The following CEP85L variants were observed in gnomAD, a reference collection of about 807,000 sequenced individuals.
The protein encoded by CEP85L is centrosomal protein of 85 kDa-like.
In CEP85L, 60 loss-of-function variants were observed where a neutral mutation model predicts 100.3. That is an observed-to-expected ratio of 0.60 (90% CI 0.49 to 0.74). CEP85L has a LOEUF of 0.74. Ranked by LOEUF, CEP85L falls within the 30% of genes least tolerant of loss-of-function variation. The pLI, the probability that CEP85L is intolerant of heterozygous loss-of-function variation, is 0.00. For synonymous variants in CEP85L, 319 were observed against 322.7 expected, an observed-to-expected ratio of 0.99 and a Z score of 0.12; for missense variants, 973 against 936.2, an observed-to-expected ratio of 1.04 and a Z score of -0.51.
At chr6:118,534,838 G>A (rs573682122) in intron 3 of CEP85L, among the ~76,000 whole-genome samples, 13 of 151,904 alleles carry the variant, frequency 8.6e-5, no homozygotes, top group East Asian at 5.8e-4. Context: ...TAGCCAACAC[G>A]GTGAAACCCC....
intron 2 of CEP85L, among the ~76,000 whole-genome samples, chr6:118,600,081 A>G (rs1222814952): frequency 1.3e-5 from 2 of 152,098 alleles, no homozygotes; most frequent in African/African-American, 2.4e-5. Context: ...TGATATAAAT[A>G]AACAATTAAA....
chr6:118,515,511 C>T (rs1418864647), intron 4 of CEP85L, among the ~76,000 whole-genome samples: 1 of 152,128 alleles, frequency 6.6e-6, no homozygotes, highest in Non-Finnish European at 1.5e-5. Context: ...CAAGCACCAA[C>T]AAACTTAAAA....
intron 3 of CEP85L, among the ~76,000 whole-genome samples, chr6:118,529,901 CT>C (rs1232235432): frequency 4.6e-5 from 7 of 152,060 alleles, no homozygotes; most frequent in African/African-American, 1.7e-4. Context: ...TTAATGTTTT[CT>C]TTTGTTTTAT....
At chr6:118,663,360 T>C (rs1776034264) in intron 1 of CEP85L, among the ~76,000 whole-genome samples, 1 of 152,190 alleles carries the variant, frequency 6.6e-6, no homozygotes. Flanking sequence ...TTTATAACGA[T>C]GGAATATGAT....
intron 3 of CEP85L, among the ~76,000 whole-genome samples, chr6:118,546,679 T>C (rs1324701589): frequency 2.0e-5 from 3 of 152,172 alleles, no homozygotes; most frequent in African/African-American, 4.8e-5. Context: ...ATCCTGTCTA[T>C]TCTTTAGCAG....
intron 2 of CEP85L, among the ~76,000 whole-genome samples, chr6:118,628,789 C>T (rs1053931115): frequency 6.6e-6 from 1 of 152,042 alleles, no homozygotes; most frequent in South Asian, 2.1e-4. Flanking sequence ...TATAAAACTC[C>T]CAGAAAATAA....
intron 1 of CEP85L, among the ~76,000 whole-genome samples, chr6:118,663,919 T>G (rs1776051789): frequency 6.6e-6 from 1 of 151,480 alleles, no homozygotes; most frequent in South Asian, 2.1e-4. Flanking sequence ...TCTTGGGAAG[T>G]TTTTCCTTTT....
intron 1 of CEP85L, among the ~76,000 whole-genome samples, chr6:118,648,967 C>A (rs1775377718): frequency 6.6e-6 from 1 of 151,906 alleles, no homozygotes; most frequent in Admixed American, 6.6e-5. Context: ...TCAAATTATT[C>A]AAAAGATATA....
chr6:118,672,767 G>GAAGAAGA (rs1003859185), intron 1 of CEP85L, among the ~76,000 whole-genome samples: 1 of 150,276 alleles, frequency 6.7e-6, no homozygotes, highest in East Asian at 1.9e-4. Flanking sequence ...TCCTGTCTCA[G>GAAGAAGA]AAGAAGAAAG....
chr6:118,687,311 C>T (rs981060777), intron 1 of CEP85L, among the ~76,000 whole-genome samples: 2 of 152,124 alleles, frequency 1.3e-5, no homozygotes, highest in African/African-American at 4.8e-5. Flanking sequence ...CTGCAACCTC[C>T]GCCTCCCAGG....
At chr6:118,586,993 C>T (rs1449609690) in intron 2 of CEP85L, among the ~76,000 whole-genome samples, 1 of 152,208 alleles carries the variant, frequency 6.6e-6, no homozygotes, top group African/African-American at 2.4e-5. Flanking sequence ...GAGCATTTTA[C>T]TATCACTAAA....
rs373507992 is a variant in CEP85L at position 118,523,954 on chromosome 6, A to C, written c.1021-34T>G. ...ACATGTTTACACAATTAGTATACTA[A>C]AATATTTAAAGAAAATATTTATATA... is the stretch of plus-strand genomic sequence containing the variant. On this transcript the variant is annotated intron_variant, in intron 3 of 12. Transcript: ENST00000368491. 9.2e-6 allele frequency: 8 copies of C among 868,244 alleles called. No individual in the cohort carries two copies. The South Asian group carries it at 1.5e-4, about 16-fold the overall frequency. The allele number at this position is 868,244 out of a possible 1,614,324, so 53.8% of individuals were successfully genotyped here.
At chr6:118,613,541 G>C (rs902567031) in intron 2 of CEP85L, among the ~76,000 whole-genome samples, 1 of 152,030 alleles carries the variant, frequency 6.6e-6, no homozygotes, top group Non-Finnish European at 1.5e-5. Flanking sequence ...TGGATCACCT[G>C]AGGTCAGGAG....
chr6:118,602,085 A>G (rs376193337), intron 2 of CEP85L, among the ~76,000 whole-genome samples: 19 of 152,160 alleles, frequency 1.2e-4, no homozygotes, highest in African/African-American at 4.6e-4. Context: ...CTTAATCCTA[A>G]TGATTGCAGA....
At chr6:118,514,190 A>G (rs1229384072) in intron 4 of CEP85L, among the ~76,000 whole-genome samples, 1 of 152,182 alleles carries the variant, frequency 6.6e-6, no homozygotes, top group African/African-American at 2.4e-5. Context: ...CTAATTCAAG[A>G]GAAGGCAAAG....
At chr6:118,621,781 T>C (rs1481055753) in intron 2 of CEP85L, among the ~76,000 whole-genome samples, 3 of 152,156 alleles carry the variant, frequency 2.0e-5, no homozygotes, top group South Asian at 4.1e-4. Flanking sequence ...CCCTAAGACA[T>C]TGAAACAGTT....
chr6:118,626,048 G>A (rs1279630945), intron 2 of CEP85L, among the ~76,000 whole-genome samples: 1 of 152,152 alleles, frequency 6.6e-6, no homozygotes, highest in Non-Finnish European at 1.5e-5. Flanking sequence ...GAAGTAGCTA[G>A]AGCAGTCATC....
chr6:118,684,370 CGCAT>C (rs2114273292), intron 1 of CEP85L, among the ~76,000 whole-genome samples: 2 of 152,194 alleles, frequency 1.3e-5, no homozygotes, highest in South Asian at 4.1e-4. Context: ...GGCATGGTGG[CGCAT>C]GCCTGTTAAT....
At chr6:118,643,628 G>A (rs1775010133) in intron 1 of CEP85L, among the ~76,000 whole-genome samples, 1 of 152,012 alleles carries the variant, frequency 6.6e-6, no homozygotes, top group Non-Finnish European at 1.5e-5. Flanking sequence ...TCCTATCAAC[G>A]ACTTTAATTA....
Sources: allele counts gnomAD v4.1 joint callset (sites outside exome capture counted in the v4.1 genomes callset), GRCh38; gene constraint gnomAD v4.1.1; transcripts MANE v1.5; gene names NCBI Gene and HGNC (gene_info 2026-07-23, HGNC 2026-07-21).